The following SCNN1B variants were observed in gnomAD, a reference collection of about 807,000 sequenced individuals.
The protein encoded by SCNN1B is epithelial sodium channel subunit beta.
Under a neutral mutation model 65.3 loss-of-function variants are expected in SCNN1B, and 46 were observed. That is an observed-to-expected ratio of 0.70 (90% CI 0.56 to 0.90). SCNN1B has a LOEUF of 0.90. Among genes scored for constraint, SCNN1B ranks in the 40% least tolerant of loss-of-function variants. The probability of loss-of-function intolerance (pLI) is 0.00; values close to 1 mark genes in which losing one functional copy is unlikely to be tolerated. For missense variants in SCNN1B, 751 were observed against 830.5 expected (o/e 0.90, Z 1.18); for synonymous variants, 349 against 330.6 (o/e 1.06, Z -0.60).
At chr16:23,365,620 A>AGAGAGAGAGAGAAAGAAAGAAAG (rs11399911) in intron 4 of SCNN1B, among the ~76,000 whole-genome samples, 2 of 80,502 alleles carry the variant, frequency 2.5e-5, no homozygotes, top group Middle Eastern at 7.1e-3. Flanking sequence ...AAAGAAAGAA[A>AGAGAGAGAGAGAAAGAAAGAAAG]AAAGAAAGAA....
At chr16:23,335,742 C>T (rs1284628386) in intron 1 of SCNN1B, among the ~76,000 whole-genome samples, 1 of 148,164 alleles carries the variant, frequency 6.7e-6, no homozygotes, top group Admixed American at 6.6e-5. Flanking sequence ...CCACTGTGCC[C>T]GGCCTCTATT....
rs11865186 is a variant in SCNN1B at position 23,353,302 on chromosome 16, A to C, written c.585+228A>C. Reference sequence around the variant, plus strand: ...CACACTAGCTTAAGCAAAACAGGCGATTCATTGGCTCACATGACTAAGAAA... The same window carrying C: ...CACACTAGCTTAAGCAAAACAGGCGCTTCATTGGCTCACATGACTAAGAAA... On this transcript the variant is annotated intron_variant, in intron 3 of 12. Transcript: ENST00000343070. The C allele has an allele frequency of 4.8e-3, 2,801 of 586,988 alleles. 68 individuals carry two copies. The highest frequency in any genetic ancestry group is 0.045 in the African/African-American group (2,443 of 53,728). 36.4% of individuals were successfully genotyped at this position (586,988 alleles called of 1,614,324 possible).
At chr16:23,315,476 C>G (rs1300902110) in intron 1 of SCNN1B, among the ~76,000 whole-genome samples, 1 of 152,170 alleles carries the variant, frequency 6.6e-6, no homozygotes, top group South Asian at 2.1e-4. Flanking sequence ...ACAGGGAGCC[C>G]AGCTGACCCA....
Position 23,295,664 on chromosome 16 carries a change from C to T in SCNN1B, n.178+11860C>T, listed in dbSNP as rs547021807. Among the ~76,000 whole-genome samples the T allele has an allele frequency of 2.0e-5, 3 of 152,168 alleles. No individual in the cohort carries two copies. In the South Asian group the frequency reaches 6.2e-4, roughly 32 times the overall value. On this transcript the variant is annotated intron_variant and non_coding_transcript_variant, in intron 2 of 3. Coordinates refer to the SCNN1B transcript ENST00000569789. ...ACTGCACCCAGCCCTGGCCTTACTT[C>T]ATTCTTTTTTATTACCTCAGAGAAT...
chr16:23,342,031 A>G (rs1962064870), intron 1 of SCNN1B, among the ~76,000 whole-genome samples: 1 of 152,222 alleles, frequency 6.6e-6, no homozygotes, highest in African/African-American at 2.4e-5. Flanking sequence ...CAAAACTTAT[A>G]CAAGATCATT....
At chr16:23,334,571 A>T (rs907485503) in intron 1 of SCNN1B, among the ~76,000 whole-genome samples, 1 of 152,232 alleles carries the variant, frequency 6.6e-6, no homozygotes. Context: ...GGACTGCCCT[A>T]GTCCTGCCTT....
In SCNN1B at chr16:23,354,657, G is replaced by A. The variant is rs559698502; in HGVS notation, c.586-642G>A. Among the ~76,000 whole-genome samples, 43 of 152,328 alleles carry A rather than the reference G, an allele frequency of 2.8e-4. 2 individuals are homozygous for A. The South Asian group carries it at 8.3e-3, about 29-fold the overall frequency. On this transcript the variant is annotated intron_variant, in intron 3 of 12. Transcript: ENST00000343070. Reference sequence around the variant, plus strand: ...TTCTTGGTCTTCATGGCCTCCAGGGGAGCTGCATCTGGAAGTCTCTGGCAG... The same window carrying A: ...TTCTTGGTCTTCATGGCCTCCAGGGAAGCTGCATCTGGAAGTCTCTGGCAG...
At chr16:23,307,226 A>G (rs1961237886) in intron 1 of SCNN1B, among the ~76,000 whole-genome samples, 3 of 151,612 alleles carry the variant, frequency 2.0e-5, no homozygotes, top group Admixed American at 2.0e-4. Flanking sequence ...TGCACTGCAC[A>G]GTTCCTAGCA....
At chr16:23,313,435 A>G (rs943503381) in intron 1 of SCNN1B, among the ~76,000 whole-genome samples, 60 of 152,286 alleles carry the variant, frequency 3.9e-4, no homozygotes, top group Middle Eastern at 3.4e-3. Flanking sequence ...TCACTTGAGG[A>G]GGTGTGGTCA....
chr16:23,378,865 C>T (rs1962970124), intron 11 of SCNN1B, 98 bp downstream of exon 11: 5 of 1,148,840 alleles, frequency 4.4e-6, no homozygotes, highest in East Asian at 2.4e-5. Flanking sequence ...GACACATTCT[C>T]ACATGGGTCA....
chr16:23,357,158 C>G (rs1962437768), intron 4 of SCNN1B, among the ~76,000 whole-genome samples: 1 of 152,246 alleles, frequency 6.6e-6, no homozygotes, highest in African/African-American at 2.4e-5. Context: ...AATCTTAATG[C>G]TATGGGCACG....
chr16:23,303,502 C>A (rs978976166), intron 1 of SCNN1B, among the ~76,000 whole-genome samples: 1 of 152,116 alleles, frequency 6.6e-6, no homozygotes, highest in African/African-American at 2.4e-5. Flanking sequence ...AATCTTCCAC[C>A]CCTGCCCTCC....
At chr16:23,327,831 C>A (rs769125357) in intron 1 of SCNN1B, among the ~76,000 whole-genome samples, 8 of 152,190 alleles carry the variant, frequency 5.3e-5, no homozygotes, top group Non-Finnish European at 8.8e-5. Flanking sequence ...CAGATGTACA[C>A]TTGTTTTTCC....
At chr16:23,292,896 C>T (rs879359252) in intron 2 of SCNN1B, among the ~76,000 whole-genome samples, 4 of 150,578 alleles carry the variant, frequency 2.7e-5, no homozygotes, top group Admixed American at 6.6e-5. Context: ...GGGTGGATCA[C>T]TTGAGGTCAG....
chr16:23,367,801 G>C (rs1442982868), intron 4 of SCNN1B, 55 bp from the exon 5 acceptor site: 8 of 1,335,304 alleles, frequency 6.0e-6, no homozygotes, highest in Non-Finnish European at 8.6e-6. Context: ...CAGACAGTCG[G>C]GGGAGGCATT....
At chr16:23,370,964 C>T (rs992336078) in intron 5 of SCNN1B, among the ~76,000 whole-genome samples, 3 of 152,168 alleles carry the variant, frequency 2.0e-5, no homozygotes, top group African/African-American at 4.8e-5. Context: ...AGGCATTGAA[C>T]GGGGACAGCG....
intron 7 of SCNN1B, among the ~76,000 whole-genome samples, chr16:23,373,936 G>A (rs12596831): frequency 0.038 from 5,756 of 152,148 alleles, 152 homozygotes; most frequent in East Asian, 0.11. Flanking sequence ...CGTTTCTTCC[G>A]GTGTGGTAGC....
At chr16:23,305,572 A>T (rs1359507457) in intron 1 of SCNN1B, among the ~76,000 whole-genome samples, 1 of 31,412 alleles carries the variant, frequency 3.2e-5, no homozygotes, top group Non-Finnish European at 5.2e-5. Context: ...ATATATATAT[A>T]TATATTATAT....
intron 5 of SCNN1B, among the ~76,000 whole-genome samples, chr16:23,368,759 T>C (rs1657035476): frequency 5.3e-5 from 8 of 152,146 alleles, no homozygotes; most frequent in Admixed American, 5.2e-4. Flanking sequence ...TCTGAGCAGT[T>C]TTTAAACAAC....
Sources: allele counts gnomAD v4.1 joint callset (sites outside exome capture counted in the v4.1 genomes callset), GRCh38; gene constraint gnomAD v4.1.1; transcripts MANE v1.5; gene names NCBI Gene and HGNC (gene_info 2026-07-23, HGNC 2026-07-21).